ATP8A2: variants seen among roughly 807,000 people sequenced by gnomAD.
The protein encoded by ATP8A2 is phospholipid-transporting ATPase IB.
A neutral mutation model predicts 165.6 loss-of-function variants in ATP8A2; 100 were observed. The ratio of observed to expected loss-of-function variants is 0.60; its 90% CI spans 0.51 to 0.71. ATP8A2 has a LOEUF of 0.71. ATP8A2 is among the 30% of genes least tolerant of loss of function. The pLI is 0.00. For missense variants in ATP8A2, 1,227 were observed against 1,479.5 expected, an observed-to-expected ratio of 0.83 and a Z score of 2.80; for synonymous variants, 543 against 548.8, an observed-to-expected ratio of 0.99 and a Z score of 0.15.
At chr13:25,950,652 G>A (rs971563941) in intron 33 of ATP8A2, 4 of 152,168 alleles carry the variant, frequency 2.6e-5, no homozygotes, top group African/African-American at 9.7e-5. Context: ...TAGAGTTCTT[G>A]TTTGCTTCAG....
chr13:25,692,177 T>C (rs1168705771), intron 24 of ATP8A2, among the ~76,000 whole-genome samples: 1 of 152,102 alleles, frequency 6.6e-6, no homozygotes, highest in Non-Finnish European at 1.5e-5. Flanking sequence ...ATTGAATGTG[T>C]GGGATAAAGA....
At chr13:25,986,746 A>G (rs1414318735) in intron 35 of ATP8A2, among the ~76,000 whole-genome samples, 1 of 152,192 alleles carries the variant, frequency 6.6e-6, no homozygotes, top group African/African-American at 2.4e-5. Context: ...GCTGAGTCAT[A>G]TGCTTATTCT....
Position 25,694,696 on chromosome 13 carries a change from T to C in ATP8A2, c.2212-4477T>C, listed in dbSNP as rs76389037. Among the ~76,000 whole-genome samples the C allele has an allele frequency of 0.019, 2,967 of 152,314 alleles. 206 individuals carry two copies. In the East Asian group the frequency reaches 0.24, roughly 12 times the overall value. ...GACAATAAAAAGTATAAAGTTTATT[T>C]ATTTTAGAGACAGGCTGTTGCTGGA... is the stretch of plus-strand genomic sequence containing the variant. On this transcript the variant is annotated intron_variant, in intron 24 of 36. Coordinates refer to ENST00000381655, the MANE Select transcript of ATP8A2 (RefSeq NM_016529.6).
chr13:25,599,720 T>G (rs1205502934), intron 24 of ATP8A2, among the ~76,000 whole-genome samples: 1 of 152,188 alleles, frequency 6.6e-6, no homozygotes, highest in African/African-American at 2.4e-5. Flanking sequence ...GTGCATCTGT[T>G]TCACCTCTGG....
At chr13:25,709,730 AATG>A (rs2043123266) in intron 25 of ATP8A2, among the ~76,000 whole-genome samples, 1 of 152,196 alleles carries the variant, frequency 6.6e-6, no homozygotes, top group Non-Finnish European at 1.5e-5. Context: ...GTAAATGTTG[AATG>A]ATATTAGTTT....
chr13:25,454,536 C>T (rs1312191530), intron 1 of ATP8A2, among the ~76,000 whole-genome samples: 1 of 152,146 alleles, frequency 6.6e-6, no homozygotes, highest in African/African-American at 2.4e-5. Flanking sequence ...GCAAGCAGAG[C>T]TGGGCAGGGC....
intron 24 of ATP8A2, among the ~76,000 whole-genome samples, chr13:25,602,782 G>A (rs973443264): frequency 7.2e-5 from 11 of 152,152 alleles, no homozygotes; most frequent in Non-Finnish European, 1.5e-4. Flanking sequence ...CTTTTAAAAG[G>A]ATATCTGGGC....
At chr13:25,428,591 T>C (rs1285521600) in intron 1 of ATP8A2, among the ~76,000 whole-genome samples, 1 of 152,138 alleles carries the variant, frequency 6.6e-6, no homozygotes, top group Non-Finnish European at 1.5e-5. Flanking sequence ...AAGAGGAGCC[T>C]CTGAGAGAAG....
At chr13:25,914,751 C>G in intron 33 of ATP8A2, among the ~76,000 whole-genome samples, 1 of 152,196 alleles carries the variant, frequency 6.6e-6, no homozygotes, top group East Asian at 1.9e-4. Context: ...CAGAGCAAAC[C>G]CCAGTCTCCT....
intron 33 of ATP8A2, among the ~76,000 whole-genome samples, 158 bp from the exon 34 acceptor site, chr13:25,961,417 C>T (rs1260518108): frequency 1.3e-5 from 2 of 152,212 alleles, no homozygotes; most frequent in Non-Finnish European, 2.9e-5. Flanking sequence ...AAGCCCCATC[C>T]GTCCCCCTGA....
chr13:25,892,696 GC>G (rs1953410679), intron 33 of ATP8A2, among the ~76,000 whole-genome samples: 1 of 151,866 alleles, frequency 6.6e-6, no homozygotes, highest in African/African-American at 2.4e-5. Flanking sequence ...CCTGGGAGAT[GC>G]TCCCTCCATC....
At chr13:25,463,493 C>A (rs1183985208) in intron 1 of ATP8A2, among the ~76,000 whole-genome samples, 1 of 151,962 alleles carries the variant, frequency 6.6e-6, no homozygotes, top group Non-Finnish European at 1.5e-5. Context: ...TTTTCATTTT[C>A]TTCCTCAAAA....
chr13:25,862,430 T>C (rs963889606), intron 33 of ATP8A2, 22 bp downstream of exon 33: 1 of 1,541,946 alleles, frequency 6.5e-7, no homozygotes, highest in Non-Finnish European at 9.0e-7. Context: ...TGATTGGGAG[T>C]GTGTCTTCTG....
At chr13:25,742,620 C>T (rs1429557686) in intron 25 of ATP8A2, among the ~76,000 whole-genome samples, 5 of 149,564 alleles carry the variant, frequency 3.3e-5, no homozygotes, top group African/African-American at 9.8e-5. Flanking sequence ...ACATATTTGA[C>T]TTAATTAATC....
intron 25 of ATP8A2, among the ~76,000 whole-genome samples, chr13:25,745,124 G>A (rs193207756): frequency 9.2e-5 from 14 of 152,184 alleles, no homozygotes; most frequent in Admixed American, 3.9e-4. Context: ...TGTATTTTTA[G>A]TAGAGACGGG....
chr13:25,850,128 T>C (rs752488658), intron 30 of ATP8A2, among the ~76,000 whole-genome samples: 19 of 152,194 alleles, frequency 1.2e-4, no homozygotes, highest in Non-Finnish European at 2.5e-4. Flanking sequence ...AAAGGCAAAC[T>C]GATCTCAGTC....
chr13:25,667,158 C>T (rs943800848), intron 24 of ATP8A2, among the ~76,000 whole-genome samples: 10 of 152,164 alleles, frequency 6.6e-5, no homozygotes, highest in Non-Finnish European at 1.0e-4. Flanking sequence ...TCTTTCCCCT[C>T]AAAATCACCA....
At chr13:25,761,843 G>A (rs1267532301) in intron 25 of ATP8A2, among the ~76,000 whole-genome samples, 1 of 151,896 alleles carries the variant, frequency 6.6e-6, no homozygotes, top group Non-Finnish European at 1.5e-5. Flanking sequence ...GGCTGGGGGT[G>A]AGCTTTTAAT....
intron 35 of ATP8A2, among the ~76,000 whole-genome samples, chr13:25,999,625 C>G (rs1352861667): frequency 1.3e-5 from 2 of 152,172 alleles, no homozygotes; most frequent in Non-Finnish European, 2.9e-5. Context: ...TGGTAAGTGT[C>G]TGCACGGCGA....
Sources: gnomAD v4.1 joint callset for allele counts (sites outside exome capture counted in the v4.1 genomes callset) on GRCh38, gnomAD v4.1.1 for gene constraint, MANE v1.5 for transcripts, NCBI Gene and HGNC (gene_info 2026-07-23, HGNC 2026-07-21) for gene names.